HSDL2: variants seen among roughly 807,000 people sequenced by gnomAD.
The protein encoded by HSDL2 is hydroxysteroid dehydrogenase like 2.
Under a neutral mutation model 46.3 loss-of-function variants are expected in HSDL2, and 27 were observed. The ratio of observed to expected loss-of-function variants is 0.58; its 90% CI spans 0.43 to 0.80. HSDL2 has a LOEUF of 0.80. Among genes scored for constraint, HSDL2 ranks in the 30% least tolerant of loss-of-function variants. HSDL2 has a pLI of 0.00. For synonymous variants in HSDL2, 153 were observed against 163.6 expected (o/e 0.94, Z 0.50); for missense variants, 451 against 502.7 (o/e 0.90, Z 0.98).
intron 8 of HSDL2, among the ~76,000 whole-genome samples, chr9:112,444,365 T>C (rs80114881): frequency 2.8e-3 from 427 of 152,310 alleles, no homozygotes; most frequent in Non-Finnish European, 4.7e-3. Flanking sequence ...GTCGTGTGTA[T>C]GTTAGCTCTT....
chr9:112,399,826 T>C (rs111305843), intron 1 of HSDL2, among the ~76,000 whole-genome samples: 3,745 of 152,282 alleles, frequency 0.025, 125 homozygotes, highest in East Asian at 0.1. Context: ...ATCACTGTTA[T>C]TCTGTTCTTT....
chr9:112,422,386 T>C (rs1430305038), intron 6 of HSDL2, among the ~76,000 whole-genome samples: 1 of 152,132 alleles, frequency 6.6e-6, no homozygotes, highest in Non-Finnish European at 1.5e-5. Context: ...ATATCTCAAT[T>C]TAAAAACAAA....
chr9:112,389,170 G>T (rs1831283509), intron 1 of HSDL2, among the ~76,000 whole-genome samples: 1 of 152,076 alleles, frequency 6.6e-6, no homozygotes, highest in Admixed American at 6.6e-5. Context: ...GGGACTACAG[G>T]CACACACTGC....
At chr9:112,420,733 A>G (rs1020532108) in intron 6 of HSDL2, among the ~76,000 whole-genome samples, 1 of 152,162 alleles carries the variant, frequency 6.6e-6, no homozygotes, top group African/African-American at 2.4e-5. Flanking sequence ...GTAACATCAT[A>G]TACATTTCTG....
At chr9:112,382,338 C>A (rs1208843730) in intron 1 of HSDL2, among the ~76,000 whole-genome samples, 17 of 152,176 alleles carry the variant, frequency 1.1e-4, no homozygotes, top group Admixed American at 1.1e-3. Flanking sequence ...GGGTTGCACA[C>A]CCAAAAGGAT....
intron 7 of HSDL2, 45 bp from the exon 8 acceptor site, chr9:112,441,654 A>G (rs374719597): frequency 1.7e-5 from 21 of 1,237,068 alleles, no homozygotes; most frequent in Middle Eastern, 1.9e-4. Flanking sequence ...AAATCTTACT[A>G]TGTTGTAGTT....
At chr9:112,465,428 C>A (rs759353358) in intron 10 of HSDL2, among the ~76,000 whole-genome samples, 3 of 152,160 alleles carry the variant, frequency 2.0e-5, no homozygotes, top group Non-Finnish European at 4.4e-5. Flanking sequence ...CAGGCCCGGC[C>A]GCAATTACTC....
chr9:112,413,476 A>T (rs184085423), intron 4 of HSDL2, among the ~76,000 whole-genome samples: 299 of 144,508 alleles, frequency 2.1e-3, no homozygotes, highest in Non-Finnish European at 2.3e-3. Context: ...CAAGTGCGAA[A>T]TTCCCTCTCA....
intron 6 of HSDL2, among the ~76,000 whole-genome samples, chr9:112,426,566 G>A (rs2132655015): frequency 6.6e-6 from 1 of 152,228 alleles, no homozygotes. Context: ...TCTGTTAGGT[G>A]TACATCCTGC....
chr9:112,411,034 C>T (rs1267434460), intron 4 of HSDL2, among the ~76,000 whole-genome samples: 1 of 152,180 alleles, frequency 6.6e-6, no homozygotes, highest in East Asian at 1.9e-4. Context: ...AATAGAGAAG[C>T]ATTACCACAT....
chr9:112,390,850 G>C (rs571100303), intron 1 of HSDL2, among the ~76,000 whole-genome samples: 73 of 152,176 alleles, frequency 4.8e-4, no homozygotes, highest in Admixed American at 8.5e-4. Flanking sequence ...CCAAAGCCCT[G>C]GCCATAAAAG....
rs80065185 is a variant in HSDL2 at position 112,397,624 on chromosome 9, C to T, written c.18-6371C>T. Among the ~76,000 whole-genome samples, 425 of 152,178 alleles carry T rather than the reference C, an allele frequency of 2.8e-3. 1 individual carries two copies. The highest frequency in any genetic ancestry group is 9.4e-3 in the African/African-American group (392 of 41,530). On this transcript the variant is annotated intron_variant, in intron 1 of 10. Transcript: ENST00000398805. ...TGGGAGGTAGTGTCAGAGTAATTAT[C>T]GGAGCCTGTGAGCTGAGCCTGAGTA...
At chr9:112,453,064 T>C (rs1426336851) in intron 8 of HSDL2, among the ~76,000 whole-genome samples, 1 of 152,158 alleles carries the variant, frequency 6.6e-6, no homozygotes, top group Admixed American at 6.5e-5. Flanking sequence ...CATTCTCTCT[T>C]TCTGAGCAGG....
intron 6 of HSDL2, among the ~76,000 whole-genome samples, chr9:112,435,729 A>T (rs1047566602): frequency 6.6e-6 from 1 of 151,644 alleles, no homozygotes. Flanking sequence ...TTCATTTTTA[A>T]TTTTTCTGTT....
chr9:112,453,017 G>A (rs7028448), intron 8 of HSDL2, among the ~76,000 whole-genome samples: 144,351 of 152,032 alleles, frequency 0.95, 68,574 homozygotes, highest in South Asian at 0.98. Flanking sequence ...GTGAGACAGG[G>A]AGAAGAAACT....
chr9:112,416,409 CAG>C (rs1241053650), intron 4 of HSDL2, among the ~76,000 whole-genome samples: 2 of 150,562 alleles, frequency 1.3e-5, no homozygotes, highest in East Asian at 3.9e-4. Flanking sequence ...AGCCTGGCAA[CAG>C]AGAGACCCTG....
Position 112,394,488 on chromosome 9 carries a change from A to G in HSDL2, c.18-9507A>G, listed in dbSNP as rs1587929674. On this transcript the variant is annotated intron_variant, in intron 1 of 10. Transcript: ENST00000398805. ...ATAGCCCTTTGGTGCCCAGTCTATT[A>G]CTAAACCATGTGAGTCATTTTTTAA... Among the ~76,000 whole-genome samples, 3 of 152,306 alleles carry G rather than the reference A, an allele frequency of 2.0e-5. No homozygotes were observed. In the South Asian group the frequency reaches 6.2e-4, roughly 32 times the overall value.
intron 1 of HSDL2, among the ~76,000 whole-genome samples, chr9:112,381,704 A>G (rs1375022959): frequency 1.3e-5 from 2 of 152,108 alleles, no homozygotes; most frequent in African/African-American, 4.8e-5. Context: ...TTGAGTATCC[A>G]TTATCCAAAA....
chr9:112,421,462 G>T (rs777019806), intron 6 of HSDL2, among the ~76,000 whole-genome samples: 3 of 152,124 alleles, frequency 2.0e-5, no homozygotes, highest in African/African-American at 4.8e-5. Flanking sequence ...TGCTCCTAGG[G>T]TAGTGCTCTG....
Sources: gnomAD v4.1 joint callset for allele counts (sites outside exome capture counted in the v4.1 genomes callset) on GRCh38, gnomAD v4.1.1 for gene constraint, MANE v1.5 for transcripts, NCBI Gene and HGNC (gene_info 2026-07-23, HGNC 2026-07-21) for gene names.